Variants in OPCML observed in about 807,000 individuals in gnomAD.
OPCML encodes opioid-binding protein/cell adhesion molecule.
In OPCML, 13 loss-of-function variants were observed where a neutral mutation model predicts 37.8. The ratio of observed to expected loss-of-function variants is 0.34; its 90% CI spans 0.22 to 0.55. The LOEUF is 0.55. Among genes scored for constraint, OPCML ranks in the 20% least tolerant of loss-of-function variants. OPCML has a pLI of 0.91. For missense variants in OPCML, 341 were observed against 435.6 expected, an observed-to-expected ratio of 0.78 and a Z score of 1.93; for synonymous variants, 176 against 168.8, an observed-to-expected ratio of 1.04 and a Z score of -0.33.
At chr11:133,458,496 G>GTGTGTGTATATACACATATATACAC (rs1946756642) in intron 1 of OPCML, among the ~76,000 whole-genome samples, 1 of 89,334 alleles carries the variant, frequency 1.1e-5, no homozygotes, top group Non-Finnish European at 2.0e-5. Flanking sequence ...ATATATACAC[G>GTGTGTGTATATACACATATATACAC]TGTGTGTGTA....
intron 3 of OPCML, among the ~76,000 whole-genome samples, chr11:132,584,969 T>C (rs896465422): frequency 2.6e-5 from 4 of 152,224 alleles, no homozygotes; most frequent in Admixed American, 2.6e-4. Context: ...TGCCTATGAC[T>C]GGCCCAGCCT....
intron 1 of OPCML, among the ~76,000 whole-genome samples, chr11:133,071,511 G>A (rs545550128): frequency 1.9e-4 from 29 of 152,146 alleles, no homozygotes; most frequent in Non-Finnish European, 3.8e-4. Context: ...TTTGTCAAAG[G>A]AATAGCAGGG....
intron 1 of OPCML, among the ~76,000 whole-genome samples, chr11:133,143,264 C>G (rs1415894085): frequency 6.6e-6 from 1 of 152,198 alleles, no homozygotes; most frequent in Non-Finnish European, 1.5e-5. Context: ...CACACAGAAA[C>G]TACCTTCACA....
chr11:133,500,786 G>A (rs55996366), intron 1 of OPCML, among the ~76,000 whole-genome samples: 2,666 of 152,296 alleles, frequency 0.018, 91 homozygotes, highest in African/African-American at 0.061. Context: ...ACCAATTACT[G>A]AGGTGTGAAA....
At chr11:133,038,681 C>G (rs1338016785) in intron 1 of OPCML, among the ~76,000 whole-genome samples, 1 of 152,164 alleles carries the variant, frequency 6.6e-6, no homozygotes, top group Non-Finnish European at 1.5e-5. Flanking sequence ...GGTCACACAG[C>G]TAGCAAGTGG....
intron 2 of OPCML, among the ~76,000 whole-genome samples, chr11:132,742,318 G>T (rs1341482589): frequency 2.6e-5 from 4 of 152,196 alleles, no homozygotes; most frequent in Non-Finnish European, 5.9e-5. Context: ...CTTTTGAGAA[G>T]TGATGTGGTT....
At chr11:133,146,378 A>G (rs1949897426) in intron 1 of OPCML, among the ~76,000 whole-genome samples, 1 of 149,880 alleles carries the variant, frequency 6.7e-6, no homozygotes, top group African/African-American at 2.5e-5. Flanking sequence ...GCAATGGCAC[A>G]ATCTTGGCTC....
intron 1 of OPCML, among the ~76,000 whole-genome samples, chr11:133,308,491 A>G (rs972726153): frequency 1.3e-5 from 2 of 152,188 alleles, no homozygotes; most frequent in Non-Finnish European, 2.9e-5. Context: ...GTAGAGTCAA[A>G]GCTATCAATA....
chr11:133,441,904 G>A (rs1257538135), intron 1 of OPCML, among the ~76,000 whole-genome samples: 1 of 151,766 alleles, frequency 6.6e-6, no homozygotes, highest in Non-Finnish European at 1.5e-5. Flanking sequence ...TATGTTAAAA[G>A]GTAATTCAAA....
At chr11:133,419,059 T>C (rs1294515742) in intron 1 of OPCML, among the ~76,000 whole-genome samples, 1 of 152,156 alleles carries the variant, frequency 6.6e-6, no homozygotes, top group Non-Finnish European at 1.5e-5. Context: ...CCCACCAAAC[T>C]ATCCTTGAGA....
At chr11:132,435,417 T>C (rs181276533) in intron 7 of OPCML, among the ~76,000 whole-genome samples, 2 of 152,334 alleles carry the variant, frequency 1.3e-5, no homozygotes, top group East Asian at 1.9e-4. Context: ...CATATGCACA[T>C]ACAGTATCAC....
chr11:133,362,786 C>T (rs896115695), intron 1 of OPCML, among the ~76,000 whole-genome samples: 10 of 152,102 alleles, frequency 6.6e-5, no homozygotes, highest in African/African-American at 1.9e-4. Context: ...ACTGGCCCCG[C>T]GGTGGGAAAT....
rs374339591 is a variant in OPCML, at chr11:133,148,603, C to G, written c.62-205593G>C. On this transcript the variant is annotated intron_variant, in intron 1 of 7. Transcript: ENST00000524381. ...AAACAGCCATGTGCACTTCATTGCT[C>G]GCTCCATCCCACCGCCCTGCAGGGG... Among the ~76,000 whole-genome samples the G allele has an allele frequency of 1.5e-4, 23 of 152,282 alleles. No homozygotes were observed. The East Asian group carries it at 1.7e-3, about 12-fold the overall frequency.
intron 7 of OPCML, among the ~76,000 whole-genome samples, chr11:132,423,023 G>A (rs2095965362): frequency 6.6e-6 from 1 of 152,190 alleles, no homozygotes; most frequent in South Asian, 2.1e-4. Flanking sequence ...TTAGCTCTCT[G>A]AGTTATTACA....
intron 2 of OPCML, among the ~76,000 whole-genome samples, chr11:132,828,546 C>CT (rs1168649490): frequency 2.1e-5 from 3 of 146,060 alleles, no homozygotes; most frequent in South Asian, 4.2e-4. Context: ...TAAAACAGCT[C>CT]TTTTAAAAAA....
At chr11:132,548,468 C>A (rs2096373929) in intron 3 of OPCML, among the ~76,000 whole-genome samples, 1 of 152,160 alleles carries the variant, frequency 6.6e-6, no homozygotes, top group Admixed American at 6.6e-5. Context: ...TCCACCACAG[C>A]TCACTTTCGT....
At chr11:132,738,949 G>C (rs1218761760) in intron 2 of OPCML, among the ~76,000 whole-genome samples, 2 of 152,026 alleles carry the variant, frequency 1.3e-5, no homozygotes, top group East Asian at 3.9e-4. Flanking sequence ...AGATGATTTT[G>C]AGCTGAAAAC....
At chr11:133,395,339 A>G (rs866328589) in intron 1 of OPCML, among the ~76,000 whole-genome samples, 3 of 151,554 alleles carry the variant, frequency 2.0e-5, no homozygotes, top group Non-Finnish European at 4.4e-5. Flanking sequence ...ACTTTTTTTG[A>G]TTGCTTTTGT....
intron 2 of OPCML, among the ~76,000 whole-genome samples, chr11:132,782,899 AAT>A (rs1391673410): frequency 4.1e-4 from 53 of 130,490 alleles, no homozygotes; most frequent in African/African-American, 8.7e-4. Context: ...TAAAATATGT[AAT>A]ATATATATAG....
Sources: allele counts gnomAD v4.1 joint callset (sites outside exome capture counted in the v4.1 genomes callset), GRCh38; gene constraint gnomAD v4.1.1; transcripts MANE v1.5; gene names NCBI Gene and HGNC (gene_info 2026-07-23, HGNC 2026-07-21).